POT1: variants seen among roughly 807,000 people sequenced by gnomAD.
The protein encoded by POT1 is protection of telomeres 1, also known as protection of telomeres protein 1.
POT1 carries 47 observed loss-of-function variants against 78.5 expected under a neutral mutation model. The observed-to-expected ratio is 0.60, with a 90% CI of 0.47 to 0.76. The LOEUF (loss-of-function observed/expected upper bound fraction) is 0.76. Ranked by LOEUF, POT1 falls within the 30% of genes least tolerant of loss-of-function variation. The probability of loss-of-function intolerance (pLI) is 0.00; values close to 1 mark genes in which losing one functional copy is unlikely to be tolerated. For synonymous variants in POT1, 259 were observed against 260.7 expected, an observed-to-expected ratio of 0.99 and a Z score of 0.06; for missense variants, 646 against 749.9, an observed-to-expected ratio of 0.86 and a Z score of 1.62.
intron 14 of POT1, among the ~76,000 whole-genome samples, chr7:124,836,649 C>G (rs1055378076): frequency 6.6e-6 from 1 of 152,148 alleles, no homozygotes; most frequent in African/African-American, 2.4e-5. Context: ...GCCAGTCACA[C>G]GAGTTTGGCT....
chr7:124,829,239 G>A lies in POT1; in HGVS notation c.1594+15C>T. On this transcript the variant is annotated intron_variant, in intron 16 of 18. Transcript: ENST00000357628. The stretch of plus-strand genomic sequence containing the variant: ...ACAAACAGTTAAAATTGCAGGGCAT[G>A]GAAATTTAGCTAACCTTCTGCCACA... 6.4e-7 allele frequency: 1 copy of A among 1,550,896 alleles called. No individual in the cohort carries two copies. The highest frequency in any genetic ancestry group is 8.9e-7 in the Non-Finnish European group (1 of 1,125,734).
chr7:124,853,332 A>G, intron 9 of POT1, 194 bp from the exon 10 acceptor site: 1 of 515,104 alleles, frequency 1.9e-6, no homozygotes, highest in East Asian at 3.1e-5. Flanking sequence ...AACTAAATAT[A>G]TGGACATGTG....
intron 3 of POT1, among the ~76,000 whole-genome samples, chr7:124,909,952 C>T (rs1344292928): frequency 6.6e-6 from 1 of 151,912 alleles, no homozygotes; most frequent in Non-Finnish European, 1.5e-5. Flanking sequence ...TAAAACACAT[C>T]TCTAAAATAT....
intron 2 of POT1, among the ~76,000 whole-genome samples, chr7:124,921,001 GC>G (rs1388466553): frequency 2.0e-5 from 3 of 152,044 alleles, no homozygotes; most frequent in Non-Finnish European, 4.4e-5. Flanking sequence ...GGAGGCTGAG[GC>G]AGAAGGATTC....
At chr7:124,874,536 CA>C (rs1412504545) in intron 6 of POT1, among the ~76,000 whole-genome samples, 5 of 152,062 alleles carry the variant, frequency 3.3e-5, no homozygotes, top group African/African-American at 1.2e-4. Context: ...AGTTAAAGAC[CA>C]GCCTGGCCAA....
chr7:124,884,972 T>C (rs911066655), intron 6 of POT1, among the ~76,000 whole-genome samples: 16 of 152,040 alleles, frequency 1.1e-4, no homozygotes, highest in South Asian at 2.1e-4. Context: ...TCTAGGAAAA[T>C]ATGATGAATG....
intron 15 of POT1, among the ~76,000 whole-genome samples, 167 bp from the exon 16 acceptor site, chr7:124,829,509 T>C (rs1024495306): frequency 6.6e-6 from 1 of 152,068 alleles, no homozygotes; most frequent in Non-Finnish European, 1.5e-5. Flanking sequence ...AAGAGAATTA[T>C]GAAAGAGTAA....
intron 18 of POT1, 23 bp downstream of exon 18, chr7:124,825,229 A>T: frequency 6.8e-7 from 1 of 1,470,462 alleles, no homozygotes. Flanking sequence ...GAAGTGTGGG[A>T]TTGTTAAAAT....
intron 12 of POT1, among the ~76,000 whole-genome samples, chr7:124,846,408 T>C (rs979144640): frequency 6.6e-6 from 1 of 151,966 alleles, no homozygotes; most frequent in Non-Finnish European, 1.5e-5. Context: ...ATTTAATAAA[T>C]TTGTGGTTAA....
At chr7:124,830,812 T>A (rs1344917553) in intron 15 of POT1, among the ~76,000 whole-genome samples, 9 of 151,876 alleles carry the variant, frequency 5.9e-5, no homozygotes, top group Admixed American at 2.0e-4. Flanking sequence ...ACAAAAATTT[T>A]AAAAAAACCT....
intron 6 of POT1, among the ~76,000 whole-genome samples, chr7:124,877,450 CAGAT>C (rs763520448): frequency 1.4e-4 from 21 of 151,830 alleles, no homozygotes; most frequent in South Asian, 4.2e-4. Flanking sequence ...ATGGATCTCC[CAGAT>C]AGATAGATAG....
chr7:124,847,640 C>A (rs1795204538), intron 11 of POT1, among the ~76,000 whole-genome samples: 2 of 152,156 alleles, frequency 1.3e-5, no homozygotes, highest in Admixed American at 6.5e-5. Context: ...TACATGACTT[C>A]AAGACTTACT....
chr7:124,875,931 GGAAGT>G, intron 6 of POT1, among the ~76,000 whole-genome samples: 1 of 152,144 alleles, frequency 6.6e-6, no homozygotes. Flanking sequence ...AAAATGGCAT[GGAAGT>G]GGATATGCAG....
At chr7:124,845,320 A>G (rs921820751) in intron 12 of POT1, among the ~76,000 whole-genome samples, 2 of 152,128 alleles carry the variant, frequency 1.3e-5, no homozygotes, top group Non-Finnish European at 2.9e-5. Context: ...GCTTTTCTTT[A>G]TCTTTCACAA....
At position 124,838,754 on chromosome 7, in the gene POT1, C is replaced by A. The variant is rs577912210; in HGVS notation, c.1369+2219G>T. ...CCGAGTAGTTGGGATTACAGGTATGCACCATGATGCCTGGCTAATTTTGTA... is the reference window on the plus strand; with the variant it reads ...CCGAGTAGTTGGGATTACAGGTATGAACCATGATGCCTGGCTAATTTTGTA... On this transcript the variant is annotated intron_variant, in intron 14 of 18. Transcript: ENST00000357628. 2.0e-5 allele frequency among the ~76,000 whole-genome samples: 3 copies of A among 152,168 alleles called. No individual in the cohort carries two copies. In the South Asian group the frequency reaches 6.2e-4, roughly 32 times the overall value.
intron 10 of POT1, 104 bp from the exon 11 acceptor site, chr7:124,852,055 A>G: frequency 1.3e-6 from 1 of 768,272 alleles, no homozygotes; most frequent in Non-Finnish European, 2.1e-6. Flanking sequence ...TGTATATAAA[A>G]TTTTGTATGT....
intron 2 of POT1, among the ~76,000 whole-genome samples, chr7:124,919,482 A>G (rs1014855257): frequency 6.6e-6 from 1 of 152,128 alleles, no homozygotes; most frequent in Non-Finnish European, 1.5e-5. Flanking sequence ...ATTTGACTGT[A>G]TTTGGAGACA....
intron 6 of POT1, among the ~76,000 whole-genome samples, chr7:124,880,576 A>T (rs1796094340): frequency 6.6e-6 from 1 of 152,038 alleles, no homozygotes; most frequent in African/African-American, 2.4e-5. Flanking sequence ...ATTTAGATTT[A>T]ATCTAAATTT....
intron 17 of POT1, among the ~76,000 whole-genome samples, chr7:124,826,372 T>C (rs111390592): frequency 2.4e-4 from 36 of 152,324 alleles, no homozygotes; most frequent in African/African-American, 7.7e-4. Context: ...GCTGTAATAA[T>C]CTGTAACTGT....
Sources: gnomAD v4.1 joint callset for allele counts (sites outside exome capture counted in the v4.1 genomes callset) on GRCh38, gnomAD v4.1.1 for gene constraint, MANE v1.5 for transcripts, NCBI Gene and HGNC (gene_info 2026-07-23, HGNC 2026-07-21) for gene names.